The following SEZ6L variants were observed in gnomAD, a reference collection of about 807,000 sequenced individuals.
SEZ6L encodes the protein seizure 6-like protein.
Under a neutral mutation model 106.2 loss-of-function variants are expected in SEZ6L, and 37 were observed. The observed-to-expected ratio is 0.35, with a 90% confidence interval of 0.27 to 0.46. The LOEUF is 0.46. Ranked by LOEUF, SEZ6L falls within the 20% of genes least tolerant of loss-of-function variation. SEZ6L has a pLI of 1.00. For synonymous variants in SEZ6L, 541 were observed against 570.4 expected, an observed-to-expected ratio of 0.95 and a Z score of 0.73; for missense variants, 1,172 against 1,332.8, an observed-to-expected ratio of 0.88 and a Z score of 1.88.
chr22:26,375,540 T>G, intron 14 of SEZ6L, 35 bp from the exon 15 acceptor site: 1 of 1,574,122 alleles, frequency 6.4e-7, no homozygotes, highest in Non-Finnish European at 8.7e-7. Context: ...GTCAGCTACC[T>G]GGGAAATGAG....
chr22:26,188,521 T>G (rs537085065), intron 1 of SEZ6L, among the ~76,000 whole-genome samples: 1 of 152,236 alleles, frequency 6.6e-6, no homozygotes, highest in East Asian at 1.9e-4. Flanking sequence ...AGAGCAAAAG[T>G]GCAAAGTGAA....
Position 26,278,834 on chromosome 22 carries a change from A to AAAGAAAAGGAAAGAAAG in SEZ6L, c.95-13563_95-13547dup, listed in dbSNP as rs1233379404. The stretch of plus-strand genomic sequence containing the variant: ...GAATGAAGGAGAGAAAGAAACAGAA[A>AAAGAAAAGGAAAGAAAG]AAGAAAAGGAAAGAAAGAAGAAAAG... On this transcript the variant is annotated intron_variant, in intron 1 of 16. Coordinates refer to ENST00000248933, the MANE Select transcript of SEZ6L (RefSeq NM_021115.5). 2.4e-4 allele frequency among the ~76,000 whole-genome samples: 36 copies of AAAGAAAAGGAAAGAAAG among 147,724 alleles called. 1 individual carries two copies. Among genetic ancestry groups the AAAGAAAAGGAAAGAAAG allele is most frequent in the African/African-American group, 9.0e-4 (36 of 40,176 alleles).
At chr22:26,310,898 A>G in intron 7 of SEZ6L, 62 bp downstream of exon 7, 1 of 1,520,870 alleles carries the variant, frequency 6.6e-7, no homozygotes. Context: ...GGAGCAGGGA[A>G]AGCATGGGGA....
intron 9 of SEZ6L, among the ~76,000 whole-genome samples, chr22:26,314,422 A>G (rs1366869585): frequency 6.6e-6 from 1 of 152,158 alleles, no homozygotes; most frequent in African/African-American, 2.4e-5. Context: ...GTGGCCAGCA[A>G]GAAGGGGGCA....
At chr22:26,202,062 C>T (rs563224377) in intron 1 of SEZ6L, among the ~76,000 whole-genome samples, 1 of 152,004 alleles carries the variant, frequency 6.6e-6, no homozygotes, top group South Asian at 2.1e-4. Context: ...TACAGGTGCC[C>T]GCCATCACGC....
At chr22:26,359,969 A>G (rs1219699017) in intron 12 of SEZ6L, among the ~76,000 whole-genome samples, 1 of 152,206 alleles carries the variant, frequency 6.6e-6, no homozygotes, top group Non-Finnish European at 1.5e-5. Flanking sequence ...CATGATTGTT[A>G]TTACCTTCAA....
chr22:26,185,522 A>G (rs529871445), intron 1 of SEZ6L, among the ~76,000 whole-genome samples: 24 of 152,278 alleles, frequency 1.6e-4, no homozygotes, highest in African/African-American at 5.3e-4. Flanking sequence ...AGACCCAGAA[A>G]CCCAGCTATA....
In SEZ6L at chr22:26,312,007, C is replaced by T. The variant is rs763604982; in HGVS notation, c.1876+45C>T. ...TCTTCCCACGGCACCCCAGGGATCT[C>T]CACCCTTTGGATGAGAAGACCAAGG... On this transcript the variant is annotated intron_variant, in intron 8 of 16. Coordinates refer to ENST00000248933, the MANE Select transcript of SEZ6L (RefSeq NM_021115.5). The T allele has an allele frequency of 2.6e-6, 4 of 1,564,020 alleles. No individual in the cohort carries two copies. The South Asian group carries it at 4.7e-5, about 18-fold the overall frequency.
At chr22:26,294,622 G>A (rs1206945222) in intron 3 of SEZ6L, among the ~76,000 whole-genome samples, 197 bp downstream of exon 3, 1 of 152,098 alleles carries the variant, frequency 6.6e-6, no homozygotes, top group African/African-American at 2.4e-5. Context: ...TGGGGATAGA[G>A]GGAACATGCT....
At chr22:26,361,627 C>G (rs2083638721) in intron 12 of SEZ6L, among the ~76,000 whole-genome samples, 1 of 151,982 alleles carries the variant, frequency 6.6e-6, no homozygotes, top group African/African-American at 2.4e-5. Context: ...TGGGTGCTCA[C>G]TATATGCTGC....
intron 9 of SEZ6L, among the ~76,000 whole-genome samples, chr22:26,317,572 A>G (rs2145936079): frequency 6.6e-6 from 1 of 152,096 alleles, no homozygotes; most frequent in African/African-American, 2.4e-5. Context: ...TAGGCATCAA[A>G]TATTCAATTA....
chr22:26,234,304 T>C (rs896287918), intron 1 of SEZ6L, among the ~76,000 whole-genome samples: 1 of 152,092 alleles, frequency 6.6e-6, no homozygotes, highest in African/African-American at 2.4e-5. Flanking sequence ...CTCTCTTGGC[T>C]CCAGCTAGGC....
chr22:26,268,510 G>T (rs550973331), intron 1 of SEZ6L, among the ~76,000 whole-genome samples: 1 of 152,238 alleles, frequency 6.6e-6, no homozygotes, highest in Admixed American at 6.5e-5. Flanking sequence ...TAGCCAGGGG[G>T]ATCTAGCACC....
intron 11 of SEZ6L, among the ~76,000 whole-genome samples, chr22:26,348,205 A>G (rs1389374266): frequency 6.6e-6 from 1 of 152,058 alleles, no homozygotes; most frequent in Non-Finnish European, 1.5e-5. Flanking sequence ...CTGGTGAAAA[A>G]GAACATTTGG....
At chr22:26,198,596 A>G (rs1940733110) in intron 1 of SEZ6L, among the ~76,000 whole-genome samples, 2 of 152,218 alleles carry the variant, frequency 1.3e-5, no homozygotes, top group Non-Finnish European at 2.9e-5. Context: ...TGGCATTGGC[A>G]GGTTTGGTGT....
At chr22:26,327,432 A>T (rs1425383698) in intron 9 of SEZ6L, among the ~76,000 whole-genome samples, 1 of 137,150 alleles carries the variant, frequency 7.3e-6, no homozygotes, top group Non-Finnish European at 1.6e-5. Context: ...CGCACAAACC[A>T]CACATATGAC....
In SEZ6L at chr22:26,375,649, A is replaced by C; in HGVS notation, c.2902A>C (p.Ile968Leu). 1 of 1,614,110 alleles carries C rather than the reference A, an allele frequency of 6.2e-7. No homozygotes were observed. Among genetic ancestry groups the C allele is most frequent in the South Asian group, 1.1e-5 (1 of 91,074 alleles). The change falls in exon 15 of 17, where the codon ATC becomes CTC. Residue 968 changes from isoleucine to leucine, a missense_variant. Physicochemically the swap from Ile to Leu is conservative, Grantham distance 5 (BLOSUM62 2). Coordinates refer to ENST00000248933, the MANE Select transcript of SEZ6L (RefSeq NM_021115.5). The part of the protein sequence containing the change: ...ALAIFIPVLI[I>L]SLLLGGAYIY... ...GGCTATCTTCATCCCGGTCCTCATC[A>C]TCTCCTTACTGCTGGGAGGAGCCTA...
chr22:26,306,537 G>C (rs915342461), intron 6 of SEZ6L, among the ~76,000 whole-genome samples: 17 of 152,174 alleles, frequency 1.1e-4, no homozygotes, highest in African/African-American at 3.9e-4. Flanking sequence ...ATTAGTTTCT[G>C]ACATGATAGG....
chr22:26,310,650 C>A lies in SEZ6L; in HGVS notation c.1515-20C>A. ...CCAGGAAGATCTGTCAGTGTCCCTC[C>A]TCTCTGCTCCCACTGCCAGGATGAC... On this transcript the variant is annotated intron_variant, in intron 6 of 16. Coordinates refer to ENST00000248933, the MANE Select transcript of SEZ6L (RefSeq NM_021115.5). 1 of 1,613,606 alleles carries A rather than the reference C, an allele frequency of 6.2e-7. No homozygotes were observed. Among genetic ancestry groups the A allele is most frequent in the Admixed American group, 1.7e-5 (1 of 59,984 alleles).
Sources: gnomAD v4.1 joint callset for allele counts (sites outside exome capture counted in the v4.1 genomes callset) on GRCh38, gnomAD v4.1.1 for gene constraint, MANE v1.5 for transcripts, NCBI Gene and HGNC (gene_info 2026-07-23, HGNC 2026-07-21) for gene names.